Variants in PRKG1 observed in about 807,000 individuals in gnomAD.
The protein encoded by PRKG1 is cGMP-dependent protein kinase 1.
A neutral mutation model predicts 88.1 loss-of-function variants in PRKG1; 35 were observed. The ratio of observed to expected loss-of-function variants is 0.40; its 90% CI spans 0.30 to 0.53. PRKG1 has a LOEUF of 0.53. Among genes scored for constraint, PRKG1 ranks in the 20% least tolerant of loss-of-function variants. The probability of loss-of-function intolerance (pLI) is 0.59; values close to 1 mark genes in which losing one functional copy is unlikely to be tolerated. For missense variants in PRKG1, 540 were observed against 839.8 expected (o/e 0.64, Z 4.41); for synonymous variants, 303 against 292.5 (o/e 1.04, Z -0.37).
At chr10:51,305,593 C>A (rs1178508609) in intron 2 of PRKG1, among the ~76,000 whole-genome samples, 1 of 152,120 alleles carries the variant, frequency 6.6e-6, no homozygotes, top group Non-Finnish European at 1.5e-5. Flanking sequence ...GCCTTTAGGG[C>A]AGCATGAACA....
intron 3 of PRKG1, among the ~76,000 whole-genome samples, chr10:51,469,537 A>C (rs1394042811): frequency 6.6e-6 from 1 of 151,886 alleles, no homozygotes; most frequent in East Asian, 1.9e-4. Context: ...CAGTTTTCTT[A>C]TTAGAGTTCT....
intron 4 of PRKG1, among the ~76,000 whole-genome samples, chr10:51,806,239 C>T (rs772624480): frequency 6.6e-6 from 1 of 152,126 alleles, no homozygotes; most frequent in Non-Finnish European, 1.5e-5. Context: ...CATACCTAAG[C>T]GTTGGACACT....
At chr10:51,005,765 TG>T (rs1353966674) in intron 1 of PRKG1, among the ~76,000 whole-genome samples, 1 of 152,192 alleles carries the variant, frequency 6.6e-6, no homozygotes, top group African/African-American at 2.4e-5. Context: ...CTGGAATTGC[TG>T]GAAGAGCTGC....
intron 3 of PRKG1, among the ~76,000 whole-genome samples, chr10:51,519,508 T>C (rs1471174089): frequency 6.6e-6 from 1 of 152,142 alleles, no homozygotes; most frequent in East Asian, 1.9e-4. Flanking sequence ...GGGGGAAATC[T>C]GGGCCAGAAT....
At chr10:51,213,183 G>T (rs1331120121) in intron 2 of PRKG1, among the ~76,000 whole-genome samples, 1 of 152,120 alleles carries the variant, frequency 6.6e-6, no homozygotes, top group Non-Finnish European at 1.5e-5. Flanking sequence ...GATGAAGCTG[G>T]AAACCATCAT....
intron 4 of PRKG1, among the ~76,000 whole-genome samples, chr10:51,859,549 G>T (rs989462233): frequency 1.3e-5 from 2 of 151,698 alleles, no homozygotes; most frequent in African/African-American, 2.4e-5. Context: ...AAGAAAAAAA[G>T]AAACTCTGAC....
chr10:51,570,067 ATGTGTG>A (rs1491127245), intron 3 of PRKG1, among the ~76,000 whole-genome samples: 1 of 113,078 alleles, frequency 8.8e-6, no homozygotes, highest in Non-Finnish European at 1.9e-5. Flanking sequence ...ATATATATAT[ATGTGTG>A]TGTGTGTTTA....
intron 9 of PRKG1, among the ~76,000 whole-genome samples, chr10:52,180,640 G>A (rs1256317294): frequency 1.3e-5 from 2 of 152,094 alleles, no homozygotes; most frequent in Non-Finnish European, 2.9e-5. Flanking sequence ...TTCTTCAGCT[G>A]TAATCCATGC....
At chr10:51,504,160 T>C (rs1841119614) in intron 3 of PRKG1, among the ~76,000 whole-genome samples, 2 of 152,142 alleles carry the variant, frequency 1.3e-5, no homozygotes, top group South Asian at 4.1e-4. Flanking sequence ...GCCTTAGCTA[T>C]TCCATTCTTA....
chr10:51,699,586 C>T (rs764364012), intron 3 of PRKG1: 1 of 1,577,176 alleles, frequency 6.3e-7, no homozygotes, highest in Non-Finnish European at 8.6e-7. Flanking sequence ...GCGGATTCTT[C>T]GAGGCGTCTG....
At chr10:51,870,887 A>G (rs1022914968) in intron 4 of PRKG1, among the ~76,000 whole-genome samples, 4 of 152,184 alleles carry the variant, frequency 2.6e-5, no homozygotes, top group Non-Finnish European at 5.9e-5. Context: ...ACAGTTGCTC[A>G]TGGGGCTGCT....
chr10:51,301,889 G>A (rs572487707), intron 2 of PRKG1, among the ~76,000 whole-genome samples: 36 of 152,334 alleles, frequency 2.4e-4, no homozygotes, highest in Admixed American at 3.9e-4. Flanking sequence ...AGTATGAGCC[G>A]TGAGGTATCA....
intron 5 of PRKG1, among the ~76,000 whole-genome samples, chr10:52,012,216 T>TC: frequency 1.3e-5 from 2 of 151,718 alleles, no homozygotes; most frequent in East Asian, 3.9e-4. Context: ...TTTGTTTTTT[T>TC]CCATGTTCTT....
At chr10:52,073,911 G>A (rs11000703) in intron 7 of PRKG1, among the ~76,000 whole-genome samples, 46,625 of 152,048 alleles carry the variant, frequency 0.31, 7,781 homozygotes, top group Non-Finnish European at 0.39. Context: ...GAGCGCCTTA[G>A]CATTTGGACT....
At chr10:51,316,606 C>T (rs930393139) in intron 2 of PRKG1, among the ~76,000 whole-genome samples, 12 of 152,040 alleles carry the variant, frequency 7.9e-5, no homozygotes, top group African/African-American at 2.7e-4. Flanking sequence ...TGCTTGAACC[C>T]GGGAGATGGA....
intron 3 of PRKG1, among the ~76,000 whole-genome samples, chr10:51,546,613 C>G (rs1437686907): frequency 1.3e-5 from 2 of 152,004 alleles, no homozygotes; most frequent in Admixed American, 1.3e-4. Context: ...TTCAGTTCAC[C>G]TTCTACTTAA....
intron 9 of PRKG1, among the ~76,000 whole-genome samples, chr10:52,164,246 G>T (rs911451690): frequency 1.3e-5 from 2 of 151,990 alleles, no homozygotes; most frequent in South Asian, 4.2e-4. Flanking sequence ...AGCTACTCAG[G>T]AGCCTGAGGC....
chr10:51,603,072 C>T (rs149180800), intron 3 of PRKG1, among the ~76,000 whole-genome samples: 1 of 152,010 alleles, frequency 6.6e-6, no homozygotes, highest in African/African-American at 2.4e-5. Flanking sequence ...ATTCTCCTGC[C>T]TCAACCTCCT....
intron 3 of PRKG1, chr10:51,568,811 G>T (rs377523908): frequency 1.3e-5 from 2 of 151,984 alleles, no homozygotes; most frequent in Admixed American, 1.3e-4. Flanking sequence ...AAGGAAGATT[G>T]TAAGATGCTA....
Sources: gnomAD v4.1 joint callset for allele counts (sites outside exome capture counted in the v4.1 genomes callset) on GRCh38, gnomAD v4.1.1 for gene constraint, MANE v1.5 for transcripts, NCBI Gene and HGNC (gene_info 2026-07-23, HGNC 2026-07-21) for gene names.